The following KYNU variants were observed in gnomAD, a reference collection of about 807,000 sequenced individuals.
KYNU encodes the protein kynureninase.
In KYNU, 54 loss-of-function variants were observed where a neutral mutation model predicts 59.2. The ratio of observed to expected loss-of-function variants is 0.91; its 90% CI spans 0.73 to 1.14. The LOEUF (loss-of-function observed/expected upper bound fraction) is 1.14. KYNU is among the 50% of genes most tolerant of loss of function. The probability of loss-of-function intolerance (pLI) is 0.00; values close to 1 mark genes in which losing one functional copy is unlikely to be tolerated. For missense variants in KYNU, 567 were observed against 554.4 expected, an observed-to-expected ratio of 1.02 and a Z score of -0.23; for synonymous variants, 177 against 192.0, an observed-to-expected ratio of 0.92 and a Z score of 0.65.
intron 10 of KYNU, among the ~76,000 whole-genome samples, chr2:142,991,472 G>A (rs1361259223): frequency 6.6e-6 from 1 of 151,750 alleles, no homozygotes; most frequent in Non-Finnish European, 1.5e-5. Context: ...GTTGAAATAT[G>A]ACCTCGGCCT....
rs761883397 is a variant in KYNU, at chr2:143,012,063, T to TAA, written c.903-17550_903-17549dup. Among the ~76,000 whole-genome samples the TAA allele has an allele frequency of 7.0e-3, 894 of 126,828 alleles. 14 individuals are homozygous for TAA. Among genetic ancestry groups the TAA allele is most frequent in the East Asian group, 0.032 (147 of 4,630 alleles). 83.2% of individuals were successfully genotyped at this position (126,828 alleles called of 152,430 possible). A position where few individuals can be genotyped will look rare whatever the true frequency, so the allele number is the denominator to read the frequency against. ...ATATACCCTAAAACTTAAAGTATAA[T>TAA]AAAAAAAAAAAAAAAGAAAATACAC... On this transcript the variant is annotated intron_variant, in intron 10 of 13. Coordinates refer to ENST00000264170, the MANE Select transcript of KYNU (RefSeq NM_003937.3).
At chr2:142,981,151 G>C (rs533648139) in intron 8 of KYNU, among the ~76,000 whole-genome samples, 5 of 152,154 alleles carry the variant, frequency 3.3e-5, no homozygotes, top group African/African-American at 1.2e-4. Flanking sequence ...ATTTTTCAAC[G>C]TGGTACCACA....
intron 10 of KYNU, among the ~76,000 whole-genome samples, chr2:143,026,288 A>T (rs570519740): frequency 2.0e-5 from 3 of 152,164 alleles, no homozygotes; most frequent in Non-Finnish European, 2.9e-5. Flanking sequence ...CAAAGGTGTA[A>T]TTTGTTTTTA....
chr2:142,918,781 A>G, intron 3 of KYNU, 52 bp downstream of exon 3: 1 of 1,557,506 alleles, frequency 6.4e-7, no homozygotes, highest in East Asian at 2.3e-5. Flanking sequence ...AAAATTTACA[A>G]AATCACATTA....
intron 10 of KYNU, among the ~76,000 whole-genome samples, chr2:143,017,562 C>T (rs1272390874): frequency 6.6e-6 from 1 of 151,132 alleles, no homozygotes; most frequent in Non-Finnish European, 1.5e-5. Context: ...CTGCCTCAGC[C>T]TCCTTAGCTG....
chr2:142,909,623 T>C lies in KYNU; in HGVS notation c.170-8986T>C, dbSNP rs146102415. Among the ~76,000 whole-genome samples, 1,159 of 152,314 alleles carry C rather than the reference T, an allele frequency of 7.6e-3. 7 individuals are homozygous for C. The highest frequency in any genetic ancestry group is 0.027 in the African/African-American group (1,111 of 41,580). Reference sequence around the variant, plus strand: ...CTGGCTGCATCCATGTTGTTGAAAATGACATGATTGCATTCTTTCTATGGC... The same window carrying C: ...CTGGCTGCATCCATGTTGTTGAAAACGACATGATTGCATTCTTTCTATGGC... On this transcript the variant is annotated intron_variant, in intron 2 of 13. Coordinates refer to ENST00000264170, the MANE Select transcript of KYNU (RefSeq NM_003937.3).
chr2:142,967,808 A>G (rs1328400281), intron 8 of KYNU, among the ~76,000 whole-genome samples: 8 of 152,166 alleles, frequency 5.3e-5, no homozygotes, highest in Non-Finnish European at 1.0e-4. Context: ...CTGTCGTAAT[A>G]TTATAATAGA....
intron 4 of KYNU, among the ~76,000 whole-genome samples, chr2:142,939,959 C>A (rs1362776740): frequency 1.3e-5 from 2 of 152,288 alleles, no homozygotes; most frequent in East Asian, 3.9e-4. Context: ...CAGCCAGATC[C>A]AGTAAAGGCC....
At chr2:142,886,690 TAGGAA>T (rs1681525315) in intron 2 of KYNU, among the ~76,000 whole-genome samples, 2 of 152,312 alleles carry the variant, frequency 1.3e-5, no homozygotes, top group Admixed American at 1.3e-4. Context: ...AAATAAAATT[TAGGAA>T]AGGAATTCTT....
chr2:142,983,616 T>C (rs916152333), intron 8 of KYNU, among the ~76,000 whole-genome samples: 4 of 152,090 alleles, frequency 2.6e-5, no homozygotes, highest in Admixed American at 1.3e-4. Flanking sequence ...TAAGCAGCAG[T>C]TCAGAAACTT....
chr2:142,922,556 A>T, intron 3 of KYNU, among the ~76,000 whole-genome samples: 1 of 152,136 alleles, frequency 6.6e-6, no homozygotes, highest in African/African-American at 2.4e-5. Context: ...TGCTTCAACA[A>T]AGCAAGATTT....
chr2:143,041,021 T>C (rs1303549420), intron 13 of KYNU, among the ~76,000 whole-genome samples: 1 of 152,086 alleles, frequency 6.6e-6, no homozygotes, highest in Non-Finnish European at 1.5e-5. Flanking sequence ...TTAAAGATCA[T>C]ACCAATTTAT....
chr2:142,941,889 C>T (rs546956935), intron 4 of KYNU, among the ~76,000 whole-genome samples: 28 of 152,060 alleles, frequency 1.8e-4, no homozygotes, highest in African/African-American at 6.3e-4. Flanking sequence ...AATGAATAAA[C>T]GAGGCACAGT....
intron 4 of KYNU, among the ~76,000 whole-genome samples, chr2:142,945,037 A>C (rs1331436863): frequency 1.3e-5 from 2 of 152,242 alleles, no homozygotes; most frequent in African/African-American, 4.8e-5. Flanking sequence ...GTGAGCTGTA[A>C]TCTTTTTGCT....
At chr2:142,882,962 C>T (rs1681353082) in intron 1 of KYNU, among the ~76,000 whole-genome samples, 1 of 152,266 alleles carries the variant, frequency 6.6e-6, no homozygotes, top group Middle Eastern at 3.4e-3. Context: ...TAAAAGTGTT[C>T]CTGTTTCTCC....
At chr2:142,942,919 C>T in intron 4 of KYNU, among the ~76,000 whole-genome samples, 1 of 152,214 alleles carries the variant, frequency 6.6e-6, no homozygotes, top group Admixed American at 6.5e-5. Context: ...TATGTGCATA[C>T]TCACTTGAGG....
Position 143,050,270 on chromosome 2 carries a change from C to T in KYNU, c.*8098C>T, listed in dbSNP as rs1459217934. 1 of 151,984 alleles carries T rather than the reference C, an allele frequency of 6.6e-6. No individual in the cohort carries two copies. Among genetic ancestry groups the T allele is most frequent in the Admixed American group, 6.6e-5 (1 of 15,232 alleles). The allele number at this position is 151,984 out of a possible 1,614,324, so 9.4% of individuals were successfully genotyped here. A position where few individuals can be genotyped will look rare whatever the true frequency, so the allele number is the denominator to read the frequency against. On this transcript the variant is annotated 3_prime_UTR_variant, in exon 14 of 14. Transcript: ENST00000264170. The stretch of plus-strand genomic sequence containing the variant: ...ACGTGTGCCATGGTGGTTTGCTGCA[C>T]CTATTGACCCGTCCTCTAAGTTCCC...
At chr2:143,019,714 T>C (rs1342709764) in intron 10 of KYNU, among the ~76,000 whole-genome samples, 2 of 152,100 alleles carry the variant, frequency 1.3e-5, no homozygotes, top group Non-Finnish European at 2.9e-5. Flanking sequence ...ATATTTGAAA[T>C]AGTTTGAGTA....
intron 8 of KYNU, among the ~76,000 whole-genome samples, chr2:142,974,869 C>A (rs1180017523): frequency 1.3e-5 from 2 of 152,158 alleles, no homozygotes; most frequent in Non-Finnish European, 2.9e-5. Context: ...TCTCCAACTA[C>A]CCATTCTGTG....
Sources: allele counts gnomAD v4.1 joint callset (sites outside exome capture counted in the v4.1 genomes callset), GRCh38; gene constraint gnomAD v4.1.1; transcripts MANE v1.5; gene names NCBI Gene and HGNC (gene_info 2026-07-23, HGNC 2026-07-21).